Variants in TMEM120A observed in about 807,000 individuals in gnomAD.
TMEM120A encodes ion channel TACAN.
In TMEM120A, 45 loss-of-function variants were observed where a neutral mutation model predicts 54.3. The ratio of observed to expected loss-of-function variants is 0.83; its 90% CI spans 0.65 to 1.06. TMEM120A has a LOEUF of 1.06. Ranked by LOEUF, TMEM120A falls within the 50% of genes least tolerant of loss-of-function variation. The pLI is 0.00. For missense variants in TMEM120A, 424 were observed against 441.7 expected (o/e 0.96, Z 0.36); for synonymous variants, 204 against 178.5 (o/e 1.14, Z -1.14).
intron 3 of TMEM120A, among the ~76,000 whole-genome samples, chr7:75,990,326 T>G (rs925195496): frequency 1.3e-5 from 2 of 152,096 alleles, no homozygotes; most frequent in Admixed American, 6.5e-5. Flanking sequence ...CCAGGAGCAC[T>G]GTGCCGGGAG....
intron 1 of TMEM120A, 66 bp from the exon 2 acceptor site, chr7:75,992,623 ACGT>A: frequency 8.0e-7 from 1 of 1,248,732 alleles, no homozygotes; most frequent in Non-Finnish European, 1.1e-6. Context: ...TGCAGGCAGG[ACGT>A]GGCGCTCAGG....
rs550383928 is a variant in TMEM120A at position 75,989,233 on chromosome 7, G to T, written c.318-9C>A. The T allele has an allele frequency of 1.3e-5, 20 of 1,551,618 alleles. No individual in the cohort carries two copies. Among genetic ancestry groups the T allele is most frequent in the Middle Eastern group, 1.7e-4 (1 of 5,902 alleles). ...CCAGGCTCAGGTACAATCTAGGGAAGGGGGTGGCGGGGTGAGGAGAAGCCC... is the reference window on the plus strand; with the variant it reads ...CCAGGCTCAGGTACAATCTAGGGAATGGGGTGGCGGGGTGAGGAGAAGCCC... On this transcript the variant is annotated splice_polypyrimidine_tract_variant and intron_variant, in intron 3 of 11. Transcript: ENST00000493111.
At chr7:75,987,871 C>T (rs1428710587) in intron 8 of TMEM120A, 52 bp downstream of exon 8, 24 of 1,597,078 alleles carry the variant, frequency 1.5e-5, no homozygotes, top group Admixed American at 7.0e-5. Flanking sequence ...CCTGCCCCTG[C>T]CCCCCACCAC....
intron 11 of TMEM120A, 24 bp from the exon 12 acceptor site, chr7:75,987,309 C>G (rs1585138542): frequency 1.3e-6 from 2 of 1,577,108 alleles, no homozygotes; most frequent in South Asian, 1.2e-5. Flanking sequence ...AGGGTGAGGG[C>G]TGGACATGGG....
chr7:75,987,601 C>T lies in TMEM120A; in HGVS notation c.786G>A (p.Glu262=), dbSNP rs1251507828. 1 of 1,608,560 alleles carries T rather than the reference C, an allele frequency of 6.2e-7. No individual in the cohort carries two copies. The highest frequency in any genetic ancestry group is 8.5e-7 in the Non-Finnish European group (1 of 1,178,094). The change falls in exon 10 of 12, where the codon GAG becomes GAA. Residue 262 remains glutamate (E), a splice_region_variant and synonymous_variant. Coordinates refer to ENST00000493111, the MANE Select transcript of TMEM120A (RefSeq NM_031925.3). ...CCCGCCACATCCAGGACTGGAAGCC[C>T]TCTGCGGGGAGGAAGGTCAGGGCAC... The part of the protein sequence containing the change: ...GERHTMDLTV[E]GFQSWMWRGL...
chr7:75,987,328 C>G (rs1288334090), intron 11 of TMEM120A, 32 bp downstream of exon 11: 1 of 1,566,180 alleles, frequency 6.4e-7, no homozygotes, highest in East Asian at 2.4e-5. Flanking sequence ...GGCCTGGCCC[C>G]CCATCCATCC....
At position 75,987,349 on chromosome 7, in the gene TMEM120A, C is replaced by G; in HGVS notation, c.918+11G>C. 1.1e-5 allele frequency: 17 copies of G among 1,560,854 alleles called. No individual in the cohort carries two copies. Among genetic ancestry groups the G allele is most frequent in the Non-Finnish European group, 1.5e-5 (17 of 1,153,700 alleles). On this transcript the variant is annotated intron_variant, in intron 11 of 11. Coordinates refer to ENST00000493111, the MANE Select transcript of TMEM120A (RefSeq NM_031925.3). The stretch of plus-strand genomic sequence containing the variant: ...GCCCCCCATCCATCCTGTCCAGGGA[C>G]CCCGGCTCACCTGCCACTCCTTGCA...
Position 75,987,530 on chromosome 7 carries a change from C to T in TMEM120A, c.849+8G>A, listed in dbSNP as rs375207526. ...ACAGACAGGCAGGGACACAGAGGCA[C>T]GACTTACGTGTCCAAAGAAAAGAAA... On this transcript the variant is annotated splice_region_variant and intron_variant, in intron 10 of 11. Coordinates refer to ENST00000493111, the MANE Select transcript of TMEM120A (RefSeq NM_031925.3). 3.1e-4 allele frequency: 485 copies of T among 1,585,514 alleles called. No homozygotes were observed. The highest frequency in any genetic ancestry group is 6.6e-4 in the Middle Eastern group (4 of 6,026).
chr7:75,992,498 G>T lies in TMEM120A; in HGVS notation c.141C>A (p.Cys47Ter), dbSNP rs782111803. Reference protein sequence around the residue: ...LEELTKLQNNCTSSITRQKKR... With the variant: ...LEELTKLQNN ...TCTTCTGCCGCGTGATGGAGCTGGT[G>T]CAATTGTTCTGAAGTTTGGTCAGCT... The change falls in exon 2 of 12, where the codon TGC becomes TGA. Residue 47 changes from cysteine to a stop codon, truncating the protein, a stop_gained. Transcript: ENST00000493111. LOFTEE classifies it high-confidence loss of function. 3 of 1,596,896 alleles carry T rather than the reference G, an allele frequency of 1.9e-6. No individual in the cohort carries two copies. Among genetic ancestry groups the T allele is most frequent in the African/African-American group, 1.3e-5 (1 of 74,602 alleles).
At chr7:75,988,599 G>A in intron 4 of TMEM120A, 83 bp from the exon 5 acceptor site, 10 of 872,732 alleles carry the variant, frequency 1.1e-5, no homozygotes, top group Middle Eastern at 3.4e-4. Context: ...GCTGAGCCAA[G>A]GGTAGTCGGA....
chr7:75,992,808 TTTTG>T (rs1435969165), intron 1 of TMEM120A, among the ~76,000 whole-genome samples: 2 of 152,060 alleles, frequency 1.3e-5, no homozygotes, highest in African/African-American at 2.4e-5. Context: ...GTGTTTTTGT[TTTTG>T]TTTTTGTTTT....
At chr7:75,987,324 GCCC>G (rs782006792) in intron 11 of TMEM120A, 33 bp downstream of exon 11, 28 of 1,566,720 alleles carry the variant, frequency 1.8e-5, no homozygotes, top group Non-Finnish European at 2.2e-5. Flanking sequence ...CATGGGCCTG[GCCC>G]CCCATCCATC....
chr7:75,991,433 T>G (rs950373357), intron 3 of TMEM120A, among the ~76,000 whole-genome samples: 8 of 152,012 alleles, frequency 5.3e-5, no homozygotes, highest in African/African-American at 9.7e-5. Flanking sequence ...TAAGACAGAG[T>G]CTCACTCTGT....
chr7:75,987,631 C>T (rs2286825), intron 9 of TMEM120A, 29 bp from the exon 10 acceptor site: 191 of 1,604,992 alleles, frequency 1.2e-4, no homozygotes, highest in East Asian at 1.0e-3. Context: ...GGGCACAGGA[C>T]GGCCAGGGAC....
At chr7:75,993,142 C>T (rs191487724) in intron 1 of TMEM120A, among the ~76,000 whole-genome samples, 15 of 152,242 alleles carry the variant, frequency 9.9e-5, no homozygotes, top group Middle Eastern at 3.4e-3. Context: ...GTTGTCCCCA[C>T]CCTACAAGGA....
chr7:75,990,101 C>T (rs892239860), intron 3 of TMEM120A, among the ~76,000 whole-genome samples: 11 of 152,160 alleles, frequency 7.2e-5, no homozygotes, highest in African/African-American at 2.7e-4. Flanking sequence ...CAGAATGCTC[C>T]CGGCACAGTG....
intron 3 of TMEM120A, among the ~76,000 whole-genome samples, chr7:75,990,793 G>A (rs1243613148): frequency 1.3e-5 from 2 of 151,318 alleles, no homozygotes; most frequent in South Asian, 2.1e-4. Context: ...CAGCTACTCC[G>A]GAGGCTGAGG....
rs782107848 is a variant in TMEM120A, at chr7:75,988,493, T to G, written c.401A>C (p.Glu134Ala). 1.2e-6 allele frequency: 2 copies of G among 1,608,148 alleles called. No homozygotes were observed. The highest frequency in any genetic ancestry group is 1.7e-6 in the Non-Finnish European group (2 of 1,178,852). ...GATGGTGAGGTAGAGCTTGAACTTCTCATACTCGTCCTTGTAGGCAAACCT... is the reference window on the plus strand; with the variant it reads ...GATGGTGAGGTAGAGCTTGAACTTCGCATACTCGTCCTTGTAGGCAAACCT... Reference protein sequence around the residue: ...QAKFAYKDEYEKFKLYLTIIL... With the variant: ...QAKFAYKDEYAKFKLYLTIIL... The change falls in exon 5 of 12, where the codon GAG (glutamate) becomes GCG (alanine). Residue 134 changes from glutamate (E) to alanine (A), a missense_variant. Transcript: ENST00000493111.
At chr7:75,988,375 A>G in intron 5 of TMEM120A, 34 bp from the exon 6 acceptor site, 1 of 1,528,788 alleles carries the variant, frequency 6.5e-7, no homozygotes, top group South Asian at 1.1e-5. Context: ...TTGGTACTGC[A>G]GCGACTGGGG....
Sources: gnomAD v4.1 joint callset for allele counts (sites outside exome capture counted in the v4.1 genomes callset) on GRCh38, gnomAD v4.1.1 for gene constraint, MANE v1.5 for transcripts, NCBI Gene and HGNC (gene_info 2026-07-23, HGNC 2026-07-21) for gene names.